Variants in AFAP1 observed in about 807,000 individuals in gnomAD.
AFAP1 encodes actin filament-associated protein 1.
AFAP1 carries 75 observed loss-of-function variants against 93.9 expected under a neutral mutation model. The ratio of observed to expected loss-of-function variants is 0.80; its 90% CI spans 0.66 to 0.97. The LOEUF is 0.97. Among genes scored for constraint, AFAP1 ranks in the 50% least tolerant of loss-of-function variants. The pLI is 0.00. For synonymous variants in AFAP1, 517 were observed against 430.7 expected (o/e 1.20, Z -2.48); for missense variants, 1,201 against 1,050.8 (o/e 1.14, Z -1.98).
At chr4:7,784,413 C>T (rs983027151) in intron 12 of AFAP1, among the ~76,000 whole-genome samples, 1 of 152,286 alleles carries the variant, frequency 6.6e-6, no homozygotes, top group East Asian at 1.9e-4. Flanking sequence ...CCACTCACCC[C>T]CATGAGACTC....
Position 7,838,710 on chromosome 4 carries a change from T to A in AFAP1, c.547-7A>T, listed in dbSNP as rs1712613554. On this transcript the variant is annotated splice_polypyrimidine_tract_variant and splice_region_variant and intron_variant, in intron 5 of 17. Coordinates refer to ENST00000420658, the MANE Select transcript of AFAP1 (RefSeq NM_001134647.2). ...CCTTGGAACTTTTATAGCACTGCAT[T>A]CAACACAACAAATCAACTGATATTA... is the stretch of plus-strand genomic sequence containing the variant. The A allele has an allele frequency of 1.2e-6, 2 of 1,613,006 alleles. No homozygotes were observed. Among genetic ancestry groups the A allele is most frequent in the Admixed American group, 3.3e-5 (2 of 59,884 alleles).
intron 16 of AFAP1, among the ~76,000 whole-genome samples, chr4:7,769,515 A>G (rs562191185): frequency 6.6e-5 from 10 of 152,268 alleles, no homozygotes; most frequent in Middle Eastern, 3.4e-3. Context: ...AGGCCTTCCT[A>G]GTGTTTACGG....
At chr4:7,927,604 C>T (rs1301564571) in intron 1 of AFAP1, among the ~76,000 whole-genome samples, 1 of 152,138 alleles carries the variant, frequency 6.6e-6, no homozygotes, top group Non-Finnish European at 1.5e-5. Flanking sequence ...GCAGGAGGAT[C>T]ACTTGAGCCC....
intron 10 of AFAP1, chr4:7,799,164 G>T: frequency 1.2e-6 from 1 of 861,020 alleles, no homozygotes; most frequent in Non-Finnish European, 1.4e-6. Flanking sequence ...TCTGCACAGA[G>T]CTGAGACTGG....
intron 8 of AFAP1, among the ~76,000 whole-genome samples, chr4:7,815,117 A>C (rs1469795751): frequency 6.6e-6 from 1 of 152,244 alleles, no homozygotes; most frequent in Non-Finnish European, 1.5e-5. Context: ...CCACAGATGA[A>C]CCTTAAGCAC....
At chr4:7,793,381 C>T (rs183916474) in intron 11 of AFAP1, among the ~76,000 whole-genome samples, 4 of 152,280 alleles carry the variant, frequency 2.6e-5, no homozygotes, top group South Asian at 2.1e-4. Context: ...CGTTTATGTA[C>T]GGTGTCCAGC....
chr4:7,764,392 T>TAA (rs141866612), intron 17 of AFAP1, among the ~76,000 whole-genome samples: 8 of 148,068 alleles, frequency 5.4e-5, no homozygotes, highest in African/African-American at 1.0e-4. Context: ...TCAAAAAATA[T>TAA]AAAAAAAAAA....
intron 3 of AFAP1, among the ~76,000 whole-genome samples, chr4:7,865,571 G>A (rs1330408468): frequency 6.6e-6 from 1 of 152,184 alleles, no homozygotes; most frequent in Non-Finnish European, 1.5e-5. Flanking sequence ...ATAGGCCAGG[G>A]AAAGCAAGAG....
chr4:7,769,163 A>AC (rs1195713879), intron 16 of AFAP1, among the ~76,000 whole-genome samples, 155 bp from the exon 17 acceptor site: 2 of 152,234 alleles, frequency 1.3e-5, no homozygotes, highest in East Asian at 1.9e-4. Context: ...TCAGTGCCTC[A>AC]CCCCCAGAGC....
At chr4:7,915,201 TC>T (rs1720019920) in intron 1 of AFAP1, among the ~76,000 whole-genome samples, 1 of 151,836 alleles carries the variant, frequency 6.6e-6, no homozygotes, top group African/African-American at 2.4e-5. Context: ...TAGTTTACAT[TC>T]CCCCCTACGG....
At chr4:7,861,942 T>C (rs1392285153) in intron 3 of AFAP1, 1 of 152,242 alleles carries the variant, frequency 6.6e-6, no homozygotes, top group East Asian at 1.9e-4. Flanking sequence ...AGCCTCGTAA[T>C]GTCATCTGTG....
chr4:7,877,159 G>A (rs1447964195), intron 1 of AFAP1, among the ~76,000 whole-genome samples: 1 of 152,118 alleles, frequency 6.6e-6, no homozygotes, highest in African/African-American at 2.4e-5. Context: ...TTAAAGGCAG[G>A]TGTCATCCTA....
intron 8 of AFAP1, among the ~76,000 whole-genome samples, chr4:7,815,709 T>G (rs1212099917): frequency 6.6e-6 from 1 of 152,154 alleles, no homozygotes; most frequent in Non-Finnish European, 1.5e-5. Flanking sequence ...TTTGTCTCAG[T>G]GACAGATCGA....
At chr4:7,874,866 T>C (rs1304779280) in intron 1 of AFAP1, among the ~76,000 whole-genome samples, 2 of 152,170 alleles carry the variant, frequency 1.3e-5, no homozygotes, top group Non-Finnish European at 2.9e-5. Flanking sequence ...ATATTATTTA[T>C]GTTAACATAA....
At chr4:7,773,176 C>T in intron 15 of AFAP1, 166 bp from the exon 16 acceptor site, 1 of 1,059,270 alleles carries the variant, frequency 9.4e-7, no homozygotes, top group Non-Finnish European at 1.3e-6. Flanking sequence ...TCTAAGGGAT[C>T]AGAGTCCTTC....
At chr4:7,767,145 C>T (rs891748470) in intron 17 of AFAP1, among the ~76,000 whole-genome samples, 3 of 152,202 alleles carry the variant, frequency 2.0e-5, no homozygotes, top group African/African-American at 7.2e-5. Flanking sequence ...CTGATTTCTG[C>T]ACAAGATTCT....
chr4:7,895,136 C>T (rs1303160669), intron 1 of AFAP1, among the ~76,000 whole-genome samples: 8 of 152,332 alleles, frequency 5.3e-5, no homozygotes, highest in Admixed American at 4.6e-4. Context: ...GATGATAGAA[C>T]GATCTGGACA....
At chr4:7,806,307 A>C (rs996746288) in intron 9 of AFAP1, among the ~76,000 whole-genome samples, 3 of 151,690 alleles carry the variant, frequency 2.0e-5, no homozygotes, top group Admixed American at 6.6e-5. Flanking sequence ...TTTGGCCCAA[A>C]CCCCCCTAAA....
intron 1 of AFAP1, among the ~76,000 whole-genome samples, chr4:7,925,805 C>T (rs10012451): frequency 0.2 from 30,378 of 151,082 alleles, 3,467 homozygotes; most frequent in East Asian, 0.51. Flanking sequence ...AGATCGTGCC[C>T]ATGCACTCCA....
Sources: gnomAD v4.1 joint callset for allele counts (sites outside exome capture counted in the v4.1 genomes callset) on GRCh38, gnomAD v4.1.1 for gene constraint, MANE v1.5 for transcripts, NCBI Gene and HGNC (gene_info 2026-07-23, HGNC 2026-07-21) for gene names.